PCDHA2: variants seen among roughly 807,000 people sequenced by gnomAD.
PCDHA2 encodes the protein protocadherin alpha-2.
A neutral mutation model predicts 66.0 loss-of-function variants in PCDHA2; 58 were observed. That is an observed-to-expected ratio of 0.88 (90% CI 0.71 to 1.09). PCDHA2 has a LOEUF of 1.09. Ranked by LOEUF, PCDHA2 falls within the 50% of genes least tolerant of loss-of-function variation. The probability of loss-of-function intolerance (pLI) is 0.00; values close to 1 mark genes in which losing one functional copy is unlikely to be tolerated. For missense variants in PCDHA2, 1,267 were observed against 1,242.3 expected (o/e 1.02, Z -0.30); for synonymous variants, 634 against 554.0 (o/e 1.14, Z -2.03).
intron 1 of PCDHA2, chr5:140,805,366 C>T (rs1763552570): frequency 2.6e-6 from 3 of 1,160,808 alleles, no homozygotes; most frequent in South Asian, 5.5e-5. Flanking sequence ...TTTGGGTCCC[C>T]ACATAGTGAA....
At chr5:140,989,837 T>C (rs1389244965) in intron 3 of PCDHA2, among the ~76,000 whole-genome samples, 1 of 152,120 alleles carries the variant, frequency 6.6e-6, no homozygotes, top group African/African-American at 2.4e-5. Context: ...AGCCTGTCAA[T>C]GAGTGTGTGG....
intron 1 of PCDHA2, chr5:140,807,118 G>T: frequency 6.5e-7 from 1 of 1,530,054 alleles, no homozygotes; most frequent in South Asian, 1.3e-5. Context: ...GCACTTGACT[G>T]ACCGATTAAA....
intron 1 of PCDHA2, chr5:140,842,646 C>T: frequency 6.3e-7 from 1 of 1,595,360 alleles, no homozygotes; most frequent in Non-Finnish European, 8.6e-7. Flanking sequence ...GCCAGCTTGT[C>T]TGTGGAGGTG....
At chr5:140,960,148 T>C (rs782110022) in intron 1 of PCDHA2, among the ~76,000 whole-genome samples, 16 of 152,198 alleles carry the variant, frequency 1.1e-4, no homozygotes, top group Admixed American at 4.6e-4. Context: ...ATTAATAGCT[T>C]GAGACTGATA....
chr5:140,983,719 A>C (rs1417350764), intron 3 of PCDHA2, among the ~76,000 whole-genome samples: 1 of 152,256 alleles, frequency 6.6e-6, no homozygotes, highest in African/African-American at 2.4e-5. Context: ...TAGCACTTAT[A>C]TTCATAACAT....
At position 141,010,305 on chromosome 5, in the gene PCDHA2, G is replaced by GT; in HGVS notation, c.*372dup. 1 of 1,548,478 alleles carries GT rather than the reference G, an allele frequency of 6.5e-7. No homozygotes were observed. Among genetic ancestry groups the GT allele is most frequent in the Non-Finnish European group, 8.7e-7 (1 of 1,146,036 alleles). On this transcript the variant is annotated 3_prime_UTR_variant, in exon 4 of 4. Transcript: ENST00000526136. ...TGACACTTGCAGGGCAGGCTGAAAAGTTTTGAGATTGAGCAGCTTGGGAGT... is the reference window on the plus strand; with the variant it reads ...TGACACTTGCAGGGCAGGCTGAAAAGTTTTTGAGATTGAGCAGCTTGGGAGT...
At chr5:140,808,437 G>C in intron 1 of PCDHA2, 1 of 1,614,178 alleles carries the variant, frequency 6.2e-7, no homozygotes, top group Non-Finnish European at 8.5e-7. Context: ...GACCGCGAGA[G>C]CGTGTCAGCC....
chr5:140,883,865 T>C, intron 1 of PCDHA2: 2 of 1,613,076 alleles, frequency 1.2e-6, no homozygotes, highest in East Asian at 2.2e-5. Flanking sequence ...GCTGTTGCAG[T>C]TCCAGGTGAG....
At chr5:140,808,507 T>A in intron 1 of PCDHA2, 3 of 1,614,038 alleles carry the variant, frequency 1.9e-6, no homozygotes, top group Non-Finnish European at 1.7e-6. Flanking sequence ...CCACGGCCAG[T>A]GTTTCTGTGG....
rs369328632 is a variant in PCDHA2, at chr5:140,856,073, G to A, written c.2388+58721G>A. On this transcript the variant is annotated intron_variant, in intron 1 of 3. Transcript: ENST00000526136. ...GATGGTTTCCAGATGTAGCTGCCTG[G>A]GGGTCCAGTGTCTGCTGCTCTCGCT... The A allele has an allele frequency of 1.9e-6, 3 of 1,592,028 alleles. 1 individual carries two copies. Among genetic ancestry groups the A allele is most frequent in the Non-Finnish European group, 2.6e-6 (3 of 1,163,816 alleles).
Position 140,857,830 on chromosome 5 carries a change from C to G in PCDHA2, c.2388+60478C>G, listed in dbSNP as rs782060681. On this transcript the variant is annotated intron_variant, in intron 1 of 3. Coordinates refer to ENST00000526136, the MANE Select transcript of PCDHA2 (RefSeq NM_018905.3). ...CGGGTCACGTGGTGGCTAAGGTGCG[C>G]GCAGTGGACGCTGACTCTGGATACA... is the stretch of plus-strand genomic sequence containing the variant. 1.6e-5 allele frequency: 26 copies of G among 1,597,596 alleles called. 3 individuals carry two copies. The highest frequency in any genetic ancestry group is 2.1e-5 in the Non-Finnish European group (25 of 1,167,516).
At chr5:140,829,414 G>C (rs782476572) in intron 1 of PCDHA2, 12 of 1,614,044 alleles carry the variant, frequency 7.4e-6, no homozygotes, top group African/African-American at 6.7e-5. Flanking sequence ...CCGCCAGCTT[G>C]TCTGTGGAGG....
chr5:140,966,644 G>A, intron 1 of PCDHA2: 1 of 1,127,128 alleles, frequency 8.9e-7, no homozygotes, highest in Non-Finnish European at 1.2e-6. Context: ...GCTTTCTAGA[G>A]CGTGAGCGGT....
At chr5:140,982,671 G>T in intron 3 of PCDHA2, 108 bp downstream of exon 3, 1 of 1,454,062 alleles carries the variant, frequency 6.9e-7, no homozygotes, top group South Asian at 1.4e-5. Context: ...TTATATTTTT[G>T]TTATTCCCTT....
intron 1 of PCDHA2, chr5:140,928,163 C>A: frequency 6.2e-7 from 1 of 1,614,204 alleles, no homozygotes; most frequent in Non-Finnish European, 8.5e-7. Flanking sequence ...GGCTCACCCC[C>A]ACTTAGCACC....
chr5:140,869,205 C>G, intron 1 of PCDHA2: 1 of 1,613,994 alleles, frequency 6.2e-7, no homozygotes. Flanking sequence ...TCCACTACTC[C>G]GTCTCGGAGG....
At chr5:140,948,563 A>AT (rs1400147953) in intron 1 of PCDHA2, among the ~76,000 whole-genome samples, 1 of 151,546 alleles carries the variant, frequency 6.6e-6, no homozygotes, top group African/African-American at 2.4e-5. Flanking sequence ...GTTAAGTTGT[A>AT]TTTTTTAAAG....
chr5:140,923,527 C>T (rs2081405445), intron 1 of PCDHA2, among the ~76,000 whole-genome samples: 1 of 151,652 alleles, frequency 6.6e-6, no homozygotes, highest in South Asian at 2.1e-4. Context: ...AGATTCTGTC[C>T]CAAAAAAAGG....
At chr5:140,942,530 T>C (rs963252648) in intron 1 of PCDHA2, among the ~76,000 whole-genome samples, 5 of 151,374 alleles carry the variant, frequency 3.3e-5, no homozygotes, top group Non-Finnish European at 5.9e-5. Flanking sequence ...AGCAACTAAC[T>C]CAGTATGGTG....
Sources: allele counts gnomAD v4.1 joint callset (sites outside exome capture counted in the v4.1 genomes callset), GRCh38; gene constraint gnomAD v4.1.1; transcripts MANE v1.5; gene names NCBI Gene and HGNC (gene_info 2026-07-23, HGNC 2026-07-21).